The following IRAK1 variants were observed in gnomAD, a reference collection of about 807,000 sequenced individuals.
IRAK1 encodes interleukin-1 receptor-associated kinase 1.
A neutral mutation model predicts 49.8 loss-of-function variants in IRAK1; 9 were observed. The ratio of observed to expected loss-of-function variants is 0.18; its 90% confidence interval spans 0.11 to 0.32. The LOEUF is 0.32. Ranked by LOEUF, IRAK1 falls within the 10% of genes least tolerant of loss-of-function variation. The probability of loss-of-function intolerance (pLI) is 1.00; values close to 1 mark genes in which losing one functional copy is unlikely to be tolerated. For synonymous variants in IRAK1, 282 were observed against 270.8 expected (o/e 1.04, Z -0.41); for missense variants, 418 against 600.5 (o/e 0.70, Z 3.18).
chrX:154,013,267 C>T lies in IRAK1; in HGVS notation c.1706G>A (p.Gly569Glu), dbSNP rs1557128071. Residue 569 changes from glycine (G) to glutamate (E), a missense_variant, in exon 12 of 14, where the codon GGA becomes GAA. Transcript: ENST00000369980. ...APWQPLAAPS[G>E]ASAQAAEQLQ... ...CTGCTCTGCTGCCTGGGCACTGGCT[C>T]CTGATGGCGCTGCCAGGGGCTGCCA... The T allele has an allele frequency of 1.7e-6, 2 of 1,210,388 alleles. No individual in the cohort carries two copies. Among genetic ancestry groups the T allele is most frequent in the East Asian group, 3.0e-5 (1 of 33,843 alleles).
Position 154,018,051 on chromosome X carries a change from G to A in IRAK1, c.864C>T (p.Tyr288=), listed in dbSNP as rs374510973. 2.3e-5 allele frequency: 28 copies of A among 1,209,382 alleles called. No individual in the cohort carries two copies. The South Asian group carries it at 3.5e-4, about 15-fold the overall frequency. Residue 288 remains tyrosine, a synonymous_variant, in exon 7 of 14, where the codon TAC becomes TAT. Coordinates refer to ENST00000369980, the MANE Select transcript of IRAK1 (RefSeq NM_001569.4). ...CAQNGFYCLV[Y]GFLPNGSLED... ...CCAGGGAGCCGTTGGGCAGGAAGCCGTACACCAGGCAGTAGAAGCCGTTCT... is the reference window on the plus strand; with the variant it reads ...CCAGGGAGCCGTTGGGCAGGAAGCCATACACCAGGCAGTAGAAGCCGTTCT...
intron 12 of IRAK1, among the ~76,000 whole-genome samples, 173 bp from the exon 13 acceptor site, chrX:154,012,851 G>T (rs1022757921): frequency 2.7e-5 from 3 of 112,697 alleles, no homozygotes; most frequent in Non-Finnish European, 5.6e-5. Flanking sequence ...GGAATGGGGT[G>T]GGGGGAGGGC....
chrX:154,012,007 T>C, intron 13 of IRAK1, 90 bp from the exon 14 acceptor site: 1 of 767,401 alleles, frequency 1.3e-6, no homozygotes. Flanking sequence ...CCATGCTCCC[T>C]TATCTCCTGG....
chrX:154,014,221 T>C lies in IRAK1; in HGVS notation c.1360A>G (p.Ser454Gly). Residue 454 changes from serine (S) to glycine (G), a missense_variant, in exon 11 of 14, where the codon AGC (serine) becomes GGC (glycine). By Grantham distance (56) the Ser-to-Gly change is moderately conservative (BLOSUM62 0). Transcript: ENST00000369980. ...GCAGCCAGACCTGCTTGCAGTGTGC[T>C]CTGGGTGCTTCTCAAAGCCACTCCA... is the stretch of plus-strand genomic sequence containing the variant. ...EAGVALRSTQ[S>G]TLQAGLAADA... 8.3e-7 allele frequency: 1 copy of C among 1,209,218 alleles called. No individual in the cohort carries two copies. The highest frequency in any genetic ancestry group is 1.1e-6 in the Non-Finnish European group (1 of 894,466).
At position 154,014,216 on chromosome X, in the gene IRAK1, T is replaced by C. The variant is rs782721815; in HGVS notation, c.1365A>G (p.Thr455=). 1.7e-6 allele frequency: 2 copies of C among 1,207,325 alleles called. No individual in the cohort carries two copies. Among genetic ancestry groups the C allele is most frequent in the Non-Finnish European group, 2.2e-6 (2 of 893,991 alleles). Residue 455 remains threonine, a synonymous_variant, in exon 11 of 14, where the codon ACA becomes ACG. Coordinates refer to ENST00000369980, the MANE Select transcript of IRAK1 (RefSeq NM_001569.4). ...CATCTGCAGCCAGACCTGCTTGCAG[T>C]GTGCTCTGGGTGCTTCTCAAAGCCA... is the stretch of plus-strand genomic sequence containing the variant. ...AGVALRSTQS[T]LQAGLAADAW...
rs781895910 is a variant in IRAK1 at position 154,016,354 on chromosome X, G to A, written c.1236+83C>T. On this transcript the variant is annotated intron_variant, in intron 9 of 13. Coordinates refer to ENST00000369980, the MANE Select transcript of IRAK1 (RefSeq NM_001569.4). ...CTGGGGTCTTGGCAGATGGCCCCTG[G>A]CCCGCAGTGCACTCTGCAGCCCCCA... 835 of 967,786 alleles carry A rather than the reference G, an allele frequency of 8.6e-4. 9 individuals carry two copies. The South Asian group carries it at 0.017, about 19-fold the overall frequency. The allele number at this position is 967,786 out of a possible 1,213,427, so 79.8% of individuals were successfully genotyped here. A position where few individuals can be genotyped will look rare whatever the true frequency, so the allele number is the denominator to read the frequency against.
Position 154,010,937 on chromosome X carries a change from A to T in IRAK1, c.*922T>A, listed in dbSNP as rs782026944. 1.1e-4 allele frequency: 39 copies of T among 340,145 alleles called. No individual in the cohort carries two copies. The highest frequency in any genetic ancestry group is 9.4e-4 in the South Asian group (36 of 38,360). 28.0% of individuals were successfully genotyped at this position (340,145 alleles called of 1,213,427 possible). ...GGGATGGCCTGGCTTGCAGGCCACCACATTAGGCCAGCTCGCAGGTCCCCA... is the reference window on the plus strand; with the variant it reads ...GGGATGGCCTGGCTTGCAGGCCACCTCATTAGGCCAGCTCGCAGGTCCCCA... On this transcript the variant is annotated 3_prime_UTR_variant, in exon 14 of 14. Coordinates refer to ENST00000369980, the MANE Select transcript of IRAK1 (RefSeq NM_001569.4).
At position 154,016,479 on chromosome X, in the gene IRAK1, C is replaced by A; in HGVS notation, c.1194G>T (p.Thr398=). ...LAYLPEEYIK[T]GRLAVDTDTF... is the part of the protein sequence containing the mutation. ...TGTCCGTGTCCACAGCCAGCCTTCC[C>A]GTCTTGATGTACTCCTCGGGCAGGT... The change falls in exon 9 of 14, where the codon ACG becomes ACT. Residue 398 remains threonine, a synonymous_variant. Coordinates refer to ENST00000369980, the MANE Select transcript of IRAK1 (RefSeq NM_001569.4). 2.5e-6 allele frequency: 3 copies of A among 1,211,896 alleles called. No individual in the cohort carries two copies. Among genetic ancestry groups the A allele is most frequent in the South Asian group, 1.8e-5 (1 of 57,054 alleles).
rs371715337 is a variant in IRAK1 at position 154,014,309 on chromosome X, C to A, written c.1303-31G>T. 4.2e-5 allele frequency: 50 copies of A among 1,192,050 alleles called. 2 individuals are homozygous for A. The African/African-American group carries it at 4.5e-4, about 11-fold the overall frequency. On this transcript the variant is annotated intron_variant, in intron 10 of 13. Transcript: ENST00000369980. Reference sequence around the variant, plus strand: ...GGATAAATACTGTCAGTATGGCTACCAGGTGGCCACACCTGCAGCTGCAGT... The same window carrying A: ...GGATAAATACTGTCAGTATGGCTACAAGGTGGCCACACCTGCAGCTGCAGT...
Position 154,011,930 on chromosome X carries a change from G to A in IRAK1, c.2081-13C>T, listed in dbSNP as rs1557127608. ...TCCAGGCCCAAGCCTACAGAAGGAA[G>A]AGGAAAGTCCGCTTAGCAAATGGGG... is the stretch of plus-strand genomic sequence containing the variant. On this transcript the variant is annotated splice_polypyrimidine_tract_variant and intron_variant, in intron 13 of 13. Coordinates refer to ENST00000369980, the MANE Select transcript of IRAK1 (RefSeq NM_001569.4). 8.3e-7 allele frequency: 1 copy of A among 1,202,596 alleles called. No individual in the cohort carries two copies. The highest frequency in any genetic ancestry group is 1.7e-5 in the African/African-American group (1 of 57,625).
At chrX:154,018,896 C>A in intron 4 of IRAK1, 79 bp downstream of exon 4, 4 of 930,336 alleles carry the variant, frequency 4.3e-6, no homozygotes, top group Non-Finnish European at 6.0e-6. Flanking sequence ...GCTTGGCTGA[C>A]TGGGGCTCTG....
At position 154,013,731 on chromosome X, in the gene IRAK1, G is replaced by A. The variant is rs782545852; in HGVS notation, c.1540-298C>T. Among the ~76,000 whole-genome samples the A allele has an allele frequency of 9.5e-4, 107 of 113,152 alleles. 1 individual carries two copies. Among genetic ancestry groups the A allele is most frequent in the Admixed American group, 4.3e-3 (47 of 10,811 alleles). Reference sequence around the variant, plus strand: ...TCCATTTTCAACTGTCACCAGAGGAGAAGAGGTGGGGTACTAGGGAGGGGA... The same window carrying A: ...TCCATTTTCAACTGTCACCAGAGGAAAAGAGGTGGGGTACTAGGGAGGGGA... On this transcript the variant is annotated intron_variant, in intron 11 of 13. Transcript: ENST00000369980.
chrX:154,015,937 T>C (rs782369909), intron 10 of IRAK1, 95 bp downstream of exon 10: 9 of 726,445 alleles, frequency 1.2e-5, no homozygotes, highest in East Asian at 3.2e-5. Context: ...GAGGCATCCA[T>C]GGGCACTGCG....
At chrX:154,014,370 A>T in intron 10 of IRAK1, 92 bp from the exon 11 acceptor site, 28 of 326,591 alleles carry the variant, frequency 8.6e-5, no homozygotes, top group Non-Finnish European at 1.2e-4. Context: ...ATGGGTTTTG[A>T]TAAAAAAAAA....
intron 7 of IRAK1, among the ~76,000 whole-genome samples, chrX:154,017,522 G>A (rs1223814405): frequency 1.8e-5 from 2 of 112,123 alleles, no homozygotes; most frequent in African/African-American, 3.2e-5. Context: ...CGGGCCAGGC[G>A]TGGTGGCTCA....
rs368427523 is a variant in IRAK1 at position 154,012,235 on chromosome X, C to T, written c.2080+294G>A. Among the ~76,000 whole-genome samples the T allele has an allele frequency of 1.7e-4, 19 of 112,675 alleles. No individual in the cohort carries two copies. The East Asian group carries it at 4.7e-3, about 28-fold the overall frequency. On this transcript the variant is annotated intron_variant, in intron 13 of 13. Coordinates refer to ENST00000369980, the MANE Select transcript of IRAK1 (RefSeq NM_001569.4). ...TGAGGGTTCCTAAGCAGTGGTTCTT[C>T]AAATAGTACCTGGGATGGAAAATTC...
At position 154,011,925 on chromosome X, in the gene IRAK1, A is replaced by T; in HGVS notation, c.2081-8T>A. On this transcript the variant is annotated splice_polypyrimidine_tract_variant and splice_region_variant and intron_variant, in intron 13 of 13. Coordinates refer to ENST00000369980, the MANE Select transcript of IRAK1 (RefSeq NM_001569.4). ...CCTGTTCCAGGCCCAAGCCTACAGA[A>T]GGAAGAGGAAAGTCCGCTTAGCAAA... The T allele has an allele frequency of 8.3e-7, 1 of 1,206,205 alleles. No individual in the cohort carries two copies. The highest frequency in any genetic ancestry group is 1.1e-6 in the Non-Finnish European group (1 of 892,081).
intron 7 of IRAK1, 68 bp downstream of exon 7, chrX:154,017,938 G>T: frequency 1.3e-6 from 1 of 792,519 alleles, no homozygotes. Flanking sequence ...TAGGCCCCGC[G>T]CCCGGCTCCA....
In IRAK1 at chrX:154,014,288, A is replaced by G. The variant is rs782512672; in HGVS notation, c.1303-10T>C. The G allele has an allele frequency of 2.5e-6, 3 of 1,207,091 alleles. No homozygotes were observed. Among genetic ancestry groups the G allele is most frequent in the Non-Finnish European group, 3.4e-6 (3 of 893,926 alleles). On this transcript the variant is annotated splice_polypyrimidine_tract_variant and intron_variant, in intron 10 of 13. Transcript: ENST00000369980. ...CTTCCACCAGGTCTTTCTGTGGGATAAATACTGTCAGTATGGCTACCAGGT... is the reference window on the plus strand; with the variant it reads ...CTTCCACCAGGTCTTTCTGTGGGATGAATACTGTCAGTATGGCTACCAGGT...
Sources: gnomAD v4.1 joint callset for allele counts (sites outside exome capture counted in the v4.1 genomes callset) on GRCh38, gnomAD v4.1.1 for gene constraint, MANE v1.5 for transcripts, NCBI Gene and HGNC (gene_info 2026-07-23, HGNC 2026-07-21) for gene names.